Variants in PUS3 observed in about 807,000 individuals in gnomAD.
PUS3 encodes pseudouridine synthase 3.
In PUS3, 36 loss-of-function variants were observed where a neutral mutation model predicts 43.3. The observed-to-expected ratio is 0.83, with a 90% confidence interval of 0.64 to 1.10. The LOEUF (loss-of-function observed/expected upper bound fraction) is 1.10. Ranked by LOEUF, PUS3 falls within the 50% of genes least tolerant of loss-of-function variation. The pLI, the probability that PUS3 is intolerant of heterozygous loss-of-function variation, is 0.00. For synonymous variants in PUS3, 183 were observed against 199.2 expected, an observed-to-expected ratio of 0.92 and a Z score of 0.69; for missense variants, 544 against 589.9, an observed-to-expected ratio of 0.92 and a Z score of 0.81.
intron 1 of PUS3, chr11:125,899,138 T>G: frequency 1.9e-6 from 1 of 532,928 alleles, no homozygotes. Context: ...AAAGCAGGAG[T>G]AAGAGTGGAA....
At chr11:125,899,889 G>A in intron 1 of PUS3, 1 of 1,614,214 alleles carries the variant, frequency 6.2e-7, no homozygotes, top group South Asian at 1.1e-5. Context: ...TCTCTACAAA[G>A]AGAAGGAATG....
intron 1 of PUS3, chr11:125,900,510 T>C (rs1248898322): frequency 2.0e-6 from 1 of 501,796 alleles, no homozygotes; most frequent in Admixed American, 3.5e-5. Flanking sequence ...ACCTGGTCTT[T>C]CTATTTTGTC....
intron 1 of PUS3, chr11:125,900,145 T>G: frequency 6.2e-7 from 1 of 1,614,200 alleles, no homozygotes; most frequent in Non-Finnish European, 8.5e-7. Flanking sequence ...AGCATATATA[T>G]GTCCCAAACA....
At chr11:125,897,767 A>C (rs1254209493) in intron 1 of PUS3, among the ~76,000 whole-genome samples, 1 of 152,248 alleles carries the variant, frequency 6.6e-6, no homozygotes, top group Non-Finnish European at 1.5e-5. Context: ...TGGTCAGTAC[A>C]GCTTCTTTGG....
In PUS3 at chr11:125,893,490, G is replaced by A. The variant is rs1210569542; in HGVS notation, c.*295C>T. Reference sequence around the variant, plus strand: ...GAAAAACACAACAAATCAGATACTTGCAGGATTAGGCTTTAATGAATTTGA... The same window carrying A: ...GAAAAACACAACAAATCAGATACTTACAGGATTAGGCTTTAATGAATTTGA... On this transcript the variant is annotated 3_prime_UTR_variant, in exon 4 of 4. Transcript: ENST00000227474. 4.2e-6 allele frequency: 1 copy of A among 237,138 alleles called. No homozygotes were observed. Among genetic ancestry groups the A allele is most frequent in the East Asian group, 9.0e-5 (1 of 11,160 alleles). The allele number at this position is 237,138 out of a possible 1,614,324, so 14.7% of individuals were successfully genotyped here.
chr11:125,897,166 C>T (rs1310141653), intron 1 of PUS3, among the ~76,000 whole-genome samples: 2 of 152,018 alleles, frequency 1.3e-5, no homozygotes, highest in African/African-American at 2.4e-5. Flanking sequence ...TAGAGAAGAC[C>T]ATCTCCACAT....
In PUS3 at chr11:125,899,988, G is replaced by A. The variant is rs778523649; in HGVS notation, c.-47+3182C>T. 57 of 1,614,088 alleles carry A rather than the reference G, an allele frequency of 3.5e-5. No homozygotes were observed. The highest frequency in any genetic ancestry group is 3.0e-4 in the South Asian group (27 of 91,086). ...AAGCTGGACCAGTTAAGCCGAAACC[G>A]GGGCAAGACAGACCGGGTAGCCCGG... is the stretch of plus-strand genomic sequence containing the variant. On this transcript the variant is annotated intron_variant, in intron 1 of 3. Transcript: ENST00000227474.
intron 1 of PUS3, among the ~76,000 whole-genome samples, chr11:125,902,926 G>C (rs535225114): frequency 6.6e-6 from 1 of 152,100 alleles, no homozygotes; most frequent in Non-Finnish European, 1.5e-5. Context: ...CCGTCACAAC[G>C]GAATTAAAGA....
In PUS3 at chr11:125,899,873, A is replaced by T. The variant is rs748950576; in HGVS notation, c.-47+3297T>A. ...CCAAGGAATTTCTCAAGATCAGCTCATTTGCTCTCTACAAAGAGAAGGAAT... is the reference window on the plus strand; with the variant it reads ...CCAAGGAATTTCTCAAGATCAGCTCTTTTGCTCTCTACAAAGAGAAGGAAT... On this transcript the variant is annotated intron_variant, in intron 1 of 3. Coordinates refer to ENST00000227474, the MANE Select transcript of PUS3 (RefSeq NM_031307.4). The T allele has an allele frequency of 1.1e-5, 18 of 1,613,140 alleles. No individual in the cohort carries two copies. The South Asian group carries it at 1.9e-4, about 17-fold the overall frequency.
In PUS3 at chr11:125,893,715, ATTTTT is replaced by A; in HGVS notation, c.*65_*69del. On this transcript the variant is annotated 3_prime_UTR_variant, in exon 4 of 4. Transcript: ENST00000227474. ...CTGAATTCCTAGTACTTGCAAGTAA[ATTTTT>A]TTTTTTTTCCTTTTCTGTCCACCTA... 1.9e-6 allele frequency: 2 copies of A among 1,041,864 alleles called. No homozygotes were observed. The highest frequency in any genetic ancestry group is 2.6e-6 in the Non-Finnish European group (2 of 775,366). The allele number at this position is 1,041,864 out of a possible 1,614,324, so 64.5% of individuals were successfully genotyped here.
chr11:125,899,939 A>C, intron 1 of PUS3: 1 of 1,614,254 alleles, frequency 6.2e-7, no homozygotes, highest in Non-Finnish European at 8.5e-7. Flanking sequence ...TGTTGCCAGC[A>C]GACCCAAGTC....
intron 1 of PUS3, chr11:125,899,088 T>C: frequency 4.5e-6 from 2 of 442,538 alleles, no homozygotes; most frequent in Non-Finnish European, 8.2e-6. Context: ...GCCAGAACTA[T>C]ACTGTCCTGT....
rs1234450333 is a variant in PUS3 at position 125,894,263 on chromosome 11, A to C, written c.968T>G (p.Val323Gly). Residue 323 changes from valine to glycine, a missense_variant, in exon 4 of 4, where the codon GTC (valine) becomes GGC (glycine). Val to Gly is a moderately radical substitution (Grantham distance 109). Coordinates refer to ENST00000227474, the MANE Select transcript of PUS3 (RefSeq NM_031307.4). ...ATTTTCAAACTTACAGTCATATAAG[A>C]CTAGAGGAAATTCTACAGCCATACT... ...QYSMAVEFPLVLYDCKFENVK... is the reference protein window; with the variant it reads ...QYSMAVEFPLGLYDCKFENVK... 6.2e-7 allele frequency: 1 copy of C among 1,609,696 alleles called. No homozygotes were observed. Among genetic ancestry groups the C allele is most frequent in the Non-Finnish European group, 8.5e-7 (1 of 1,176,602 alleles).
chr11:125,895,010 G>A (rs1290819408), intron 3 of PUS3, among the ~76,000 whole-genome samples: 3 of 151,262 alleles, frequency 2.0e-5, no homozygotes, highest in African/African-American at 7.3e-5. Flanking sequence ...CAGTGACTTC[G>A]TTATTTAGAC....
At chr11:125,899,264 A>AT (rs1944683105) in intron 1 of PUS3, 1 of 973,886 alleles carries the variant, frequency 1.0e-6, no homozygotes, top group South Asian at 1.5e-5. Context: ...TTTGACTGCT[A>AT]TAAAACGGAG....
At position 125,900,022 on chromosome 11, in the gene PUS3, G is replaced by A. The variant is rs760019025; in HGVS notation, c.-47+3148C>T. 9 of 1,614,076 alleles carry A rather than the reference G, an allele frequency of 5.6e-6. No homozygotes were observed. The highest frequency in any genetic ancestry group is 1.7e-5 in the Admixed American group (1 of 60,008). On this transcript the variant is annotated intron_variant, in intron 1 of 3. Coordinates refer to ENST00000227474, the MANE Select transcript of PUS3 (RefSeq NM_031307.4). ...CAGACCGGGTAGCCCGGTATTTTGAGTACAAACGGGACTGGGACTCAATAC... is the reference window on the plus strand; with the variant it reads ...CAGACCGGGTAGCCCGGTATTTTGAATACAAACGGGACTGGGACTCAATAC...
chr11:125,893,564 G>T lies in PUS3; in HGVS notation c.*221C>A. 3 of 414,922 alleles carry T rather than the reference G, an allele frequency of 7.2e-6. No homozygotes were observed. The highest frequency in any genetic ancestry group is 3.9e-5 in the East Asian group (1 of 25,658). The allele number at this position is 414,922 out of a possible 1,614,324, so 25.7% of individuals were successfully genotyped here. On this transcript the variant is annotated 3_prime_UTR_variant, in exon 4 of 4. Transcript: ENST00000227474. ...GTATGTAAATACATCTCCATTTTAC[G>T]TTCTTTAATCGCTTAATCCTTTTGG... is the stretch of plus-strand genomic sequence containing the variant.
chr11:125,894,225 A>C lies in PUS3; in HGVS notation c.1006T>G (p.Tyr336Asp). 3.7e-6 allele frequency: 6 copies of C among 1,613,518 alleles called. No individual in the cohort carries two copies. The highest frequency in any genetic ancestry group is 5.1e-6 in the Non-Finnish European group (6 of 1,179,456). Residue 336 changes from tyrosine (Y) to aspartate (D), a missense_variant, in exon 4 of 4, where the codon TAT becomes GAT. Tyr to Asp is a radical substitution (Grantham distance 160, BLOSUM62 -3). Transcript: ENST00000227474. ...DCKFENVKWI[Y>D]DQEAQEFNIT... ...TTGAACTCCTGAGCCTCCTGGTCAT[A>C]GATCCACTTGACATTTTCAAACTTA...
Position 125,902,599 on chromosome 11 carries a change from TAAAAAA to T in PUS3, c.-47+565_-47+570del, listed in dbSNP as rs55792535. 9.4e-5 allele frequency among the ~76,000 whole-genome samples: 11 copies of T among 117,304 alleles called. No individual in the cohort carries two copies. The East Asian group carries it at 2.7e-3, about 29-fold the overall frequency. The allele number at this position is 117,304 out of a possible 152,430, so 77.0% of individuals were successfully genotyped here. On this transcript the variant is annotated intron_variant, in intron 1 of 3. Transcript: ENST00000227474. Reference sequence around the variant, plus strand: ...CTTCACTCAGCCTGGGCGACAGTCTTAAAAAAAAAAAAAAAAAAGTCCTAATCTCAG... The same window carrying T: ...CTTCACTCAGCCTGGGCGACAGTCTTAAAAAAAAAAAAGTCCTAATCTCAG...
Sources: gnomAD v4.1 joint callset for allele counts (sites outside exome capture counted in the v4.1 genomes callset) on GRCh38, gnomAD v4.1.1 for gene constraint, MANE v1.5 for transcripts, NCBI Gene and HGNC (gene_info 2026-07-23, HGNC 2026-07-21) for gene names.